The following LRFN5 variants were observed in gnomAD, a reference collection of about 807,000 sequenced individuals.
The protein encoded by LRFN5 is leucine rich repeat and fibronectin type III domain containing 5.
Under a neutral mutation model 45.6 loss-of-function variants are expected in LRFN5, and 24 were observed. The ratio of observed to expected loss-of-function variants is 0.53; its 90% CI spans 0.38 to 0.74. The LOEUF (loss-of-function observed/expected upper bound fraction) is 0.74. LRFN5 is among the 30% of genes least tolerant of loss of function. LRFN5 has a pLI of 0.00. For missense variants in LRFN5, 776 were observed against 861.5 expected (o/e 0.90, Z 1.24); for synonymous variants, 340 against 313.8 (o/e 1.08, Z -0.88).
rs59438733 is a variant in LRFN5 at position 41,775,093 on chromosome 14, C to CTTTTTTTTTTTTTTTTTTT, written c.-21+8079_-21+8080insTTTTTTTTTTTTTTTTTTT. Among the ~76,000 whole-genome samples, 73 of 112,474 alleles carry CTTTTTTTTTTTTTTTTTTT rather than the reference C, an allele frequency of 6.5e-4. 2 individuals are homozygous for CTTTTTTTTTTTTTTTTTTT. Among genetic ancestry groups the CTTTTTTTTTTTTTTTTTTT allele is most frequent in the South Asian group, 1.2e-3 (4 of 3,356 alleles). The allele number at this position is 112,474 out of a possible 152,430, so 73.8% of individuals were successfully genotyped here. On this transcript the variant is annotated intron_variant, in intron 2 of 5. Coordinates refer to ENST00000298119, the MANE Select transcript of LRFN5 (RefSeq NM_152447.5). ...AGATTTGATGCTACTTTTTCTTTTT[C>CTTTTTTTTTTTTTTTTTTT]TTTTTTTTTTTTTTTGAGACGGAGT...
At chr14:41,852,215 A>G (rs1332919939) in intron 2 of LRFN5, among the ~76,000 whole-genome samples, 1 of 151,932 alleles carries the variant, frequency 6.6e-6, no homozygotes, top group Non-Finnish European at 1.5e-5. Flanking sequence ...AACAAGATCA[A>G]ATTATGTTAA....
At chr14:41,819,125 T>G (rs1191387935) in intron 2 of LRFN5, among the ~76,000 whole-genome samples, 1 of 152,190 alleles carries the variant, frequency 6.6e-6, no homozygotes, top group East Asian at 1.9e-4. Context: ...CACATTTTAA[T>G]CGAATTATCC....
chr14:41,644,573 C>T (rs536448365), intron 1 of LRFN5, among the ~76,000 whole-genome samples: 23 of 151,942 alleles, frequency 1.5e-4, no homozygotes, highest in East Asian at 1.4e-3. Flanking sequence ...AGGAGATAGT[C>T]GGAGTGTGTG....
chr14:41,842,654 T>C (rs1389131591), intron 2 of LRFN5, among the ~76,000 whole-genome samples: 1 of 152,184 alleles, frequency 6.6e-6, no homozygotes, highest in East Asian at 1.9e-4. Flanking sequence ...CACAAAACTT[T>C]AAAAAATAGT....
At chr14:41,746,556 T>C (rs1281733334) in intron 1 of LRFN5, among the ~76,000 whole-genome samples, 2 of 152,044 alleles carry the variant, frequency 1.3e-5, no homozygotes, top group East Asian at 1.9e-4. Flanking sequence ...TTTATTTTTA[T>C]TTCTGATTAT....
intron 1 of LRFN5, among the ~76,000 whole-genome samples, chr14:41,702,056 A>G (rs559325731): frequency 3.3e-5 from 5 of 152,292 alleles, no homozygotes; most frequent in African/African-American, 1.2e-4. Flanking sequence ...GCCCAGGACT[A>G]AGCATAGGAC....
intron 1 of LRFN5, among the ~76,000 whole-genome samples, chr14:41,654,476 A>G (rs1566605536): frequency 6.6e-6 from 1 of 151,994 alleles, no homozygotes; most frequent in African/African-American, 2.4e-5. Flanking sequence ...GGAAGAAATC[A>G]CATAGTTTGA....
chr14:41,836,958 A>G (rs1352095047), intron 2 of LRFN5, among the ~76,000 whole-genome samples: 1 of 152,104 alleles, frequency 6.6e-6, no homozygotes, highest in Non-Finnish European at 1.5e-5. Flanking sequence ...GGGCTGGGAC[A>G]GGTGAAATTT....
chr14:41,654,290 A>G (rs1049199115), intron 1 of LRFN5, among the ~76,000 whole-genome samples: 4 of 152,064 alleles, frequency 2.6e-5, no homozygotes, highest in Admixed American at 6.6e-5. Flanking sequence ...TATTTTGTCA[A>G]ATTAATTCTG....
chr14:41,887,276 G>C lies in LRFN5; in HGVS notation c.651G>C (p.Gln217His). 1 of 1,614,148 alleles carries C rather than the reference G, an allele frequency of 6.2e-7. No homozygotes were observed. The highest frequency in any genetic ancestry group is 8.5e-7 in the Non-Finnish European group (1 of 1,180,022). ...LQKLPPDPLF[Q>H]RAQVLATSGI... ...AGCTACCACCTGACCCTCTCTTTCA[G>C]CGAGCTCAGGTACTAGCAACCTCAG... Residue 217 changes from glutamine to histidine, a missense_variant, in exon 3 of 6, where the codon CAG becomes CAC. Physicochemically the swap from Gln to His is conservative, Grantham distance 24. Around this residue, in one of 2 missense-constraint regions of LRFN5, gnomAD observed 311 missense variants for 405.1 expected, o/e 0.77. Transcript: ENST00000298119. The surrounding 1 kb of genome is among the most constrained non-coding windows in gnomAD (Gnocchi z 4.8).
At chr14:41,789,175 G>A (rs776303555) in intron 2 of LRFN5, among the ~76,000 whole-genome samples, 2 of 151,962 alleles carry the variant, frequency 1.3e-5, no homozygotes, top group Non-Finnish European at 2.9e-5. Flanking sequence ...TGTCTGATAA[G>A]TGGTAAGTCA....
chr14:41,795,987 T>G (rs1222299390), intron 2 of LRFN5, among the ~76,000 whole-genome samples: 1 of 152,116 alleles, frequency 6.6e-6, no homozygotes, highest in South Asian at 2.1e-4. Flanking sequence ...TTAAAGACAC[T>G]TTTTATCTTA....
Position 41,856,675 on chromosome 14 carries a change from A to ATTATTATTATTATTT in LRFN5, c.-20-29929_-20-29928insATTATTATTATTTTT. On this transcript the variant is annotated intron_variant, in intron 2 of 5. Transcript: ENST00000298119. The stretch of plus-strand genomic sequence containing the variant: ...TTCTTTCCTAATTATTATTATTATT[A>ATTATTATTATTATTT]TTTTTTTTTTTTTTTTTTTGAGACG... Among the ~76,000 whole-genome samples, 14 of 18,334 alleles carry ATTATTATTATTATTT rather than the reference A, an allele frequency of 7.6e-4. 2 individuals carry two copies. Among genetic ancestry groups the ATTATTATTATTATTT allele is most frequent in the East Asian group, 1.3e-3 (1 of 746 alleles). 12.0% of individuals were successfully genotyped at this position (18,334 alleles called of 152,430 possible).
At chr14:41,804,285 TA>T (rs1351985468) in intron 2 of LRFN5, among the ~76,000 whole-genome samples, 1 of 151,944 alleles carries the variant, frequency 6.6e-6, no homozygotes. Flanking sequence ...GATGCAATCA[TA>T]GGGGTGTAGA....
chr14:41,641,657 C>A (rs529014724), intron 1 of LRFN5, among the ~76,000 whole-genome samples: 92 of 151,954 alleles, frequency 6.1e-4, no homozygotes, highest in African/African-American at 2.2e-3. Flanking sequence ...AATATAATGC[C>A]ACAGTAATAG....
chr14:41,695,362 A>G (rs927674041), intron 1 of LRFN5, among the ~76,000 whole-genome samples: 2 of 151,974 alleles, frequency 1.3e-5, no homozygotes, highest in African/African-American at 4.8e-5. Flanking sequence ...GAAGACCTGG[A>G]CAAGATATTG....
At chr14:41,703,149 CGTT>C (rs1284914801) in intron 1 of LRFN5, among the ~76,000 whole-genome samples, 3 of 152,014 alleles carry the variant, frequency 2.0e-5, no homozygotes, top group Non-Finnish European at 2.9e-5. Context: ...AATGGAATAT[CGTT>C]GTTTAGTTAA....
chr14:41,812,220 G>T (rs1330143118), intron 2 of LRFN5, among the ~76,000 whole-genome samples: 1 of 151,902 alleles, frequency 6.6e-6, no homozygotes, highest in East Asian at 1.9e-4. Flanking sequence ...TGATATCAGA[G>T]AAATAATACA....
intron 2 of LRFN5, among the ~76,000 whole-genome samples, chr14:41,832,290 C>T (rs1888511742): frequency 6.6e-6 from 1 of 152,116 alleles, no homozygotes; most frequent in Admixed American, 6.6e-5. Context: ...TAACATTTTC[C>T]ATTGGTTAAT....
Sources: gnomAD v4.1 joint callset for allele counts (sites outside exome capture counted in the v4.1 genomes callset) on GRCh38, gnomAD v4.1.1 for gene constraint, gnomAD v4.1.1 regional missense constraint, Gnocchi (gnomAD v3.1) non-coding constraint, MANE v1.5 for transcripts, NCBI Gene and HGNC (gene_info 2026-07-23, HGNC 2026-07-21) for gene names.